Variants in FCHSD2 observed in about 807,000 individuals in gnomAD.
FCHSD2 encodes F-BAR and double SH3 domains protein 2.
FCHSD2 carries 38 observed loss-of-function variants against 108.1 expected under a neutral mutation model. The ratio of observed to expected loss-of-function variants is 0.35; its 90% CI spans 0.27 to 0.46. FCHSD2 has a LOEUF of 0.46. FCHSD2 is among the 20% of genes least tolerant of loss of function. The pLI, the probability that FCHSD2 is intolerant of heterozygous loss-of-function variation, is 1.00. For missense variants in FCHSD2, 751 were observed against 897.8 expected (o/e 0.84, Z 2.09); for synonymous variants, 279 against 314.7 (o/e 0.89, Z 1.20).
rs60223064 is a variant in FCHSD2 at position 73,096,987 on chromosome 11, ATTTTTTTTTTTTTTT to A, written c.120-13262_120-13248del. 2.6e-3 allele frequency among the ~76,000 whole-genome samples: 69 copies of A among 27,048 alleles called. 6 individuals are homozygous for A. The highest frequency in any genetic ancestry group is 3.5e-3 in the East Asian group (2 of 566). The allele number at this position is 27,048 out of a possible 152,430, so 17.7% of individuals were successfully genotyped here. A position where few individuals can be genotyped will look rare whatever the true frequency, so the allele number is the denominator to read the frequency against. On this transcript the variant is annotated intron_variant, in intron 2 of 19. Coordinates refer to ENST00000409418, the MANE Select transcript of FCHSD2 (RefSeq NM_014824.3). ...CTAATGTGATGTATTTCATTGATGG[ATTTTTTTTTTTTTTT>A]TTTTTTTTTTTTTTGATGAGACAGG...
intron 2 of FCHSD2, among the ~76,000 whole-genome samples, chr11:73,116,028 A>T (rs1860593316): frequency 6.6e-6 from 1 of 152,226 alleles, no homozygotes; most frequent in Non-Finnish European, 1.5e-5. Flanking sequence ...AGACTCTTAA[A>T]ACATCACCAC....
intron 3 of FCHSD2, among the ~76,000 whole-genome samples, chr11:73,030,120 A>G (rs1419906842): frequency 1.3e-5 from 2 of 152,148 alleles, no homozygotes; most frequent in African/African-American, 4.8e-5. Flanking sequence ...TTTTGCCTAC[A>G]GTTATAAAAC....
At chr11:72,920,697 T>G (rs992982241) in intron 9 of FCHSD2, among the ~76,000 whole-genome samples, 2 of 152,214 alleles carry the variant, frequency 1.3e-5, no homozygotes, top group Non-Finnish European at 2.9e-5. Context: ...AAAATTCAAA[T>G]ATATATACAT....
chr11:73,065,057 A>G (rs1205550401), intron 3 of FCHSD2, among the ~76,000 whole-genome samples: 1 of 152,158 alleles, frequency 6.6e-6, no homozygotes, highest in Non-Finnish European at 1.5e-5. Flanking sequence ...ACAACAAAAA[A>G]AGAAAATTTA....
chr11:72,927,484 G>T (rs1016926602), intron 8 of FCHSD2, among the ~76,000 whole-genome samples: 2 of 152,176 alleles, frequency 1.3e-5, no homozygotes, highest in Non-Finnish European at 2.9e-5. Flanking sequence ...GTATGTAGGG[G>T]AAGGGAGTGT....
chr11:72,978,031 A>C (rs375617608), intron 8 of FCHSD2, among the ~76,000 whole-genome samples: 25 of 152,302 alleles, frequency 1.6e-4, no homozygotes, highest in African/African-American at 5.1e-4. Context: ...TGAAGCTGGA[A>C]ACCACCATTC....
At position 73,136,165 on chromosome 11, in the gene FCHSD2, G is replaced by GAA. The variant is rs1185429559; in HGVS notation, c.119+3864_119+3865dup. On this transcript the variant is annotated intron_variant, in intron 2 of 19. Transcript: ENST00000409418. ...ACAGAGCAAGACTCTTGTCTCTTAA[G>GAA]AAAAAAAAAAAAAGAAAGAAAAAAG... Among the ~76,000 whole-genome samples the GAA allele has an allele frequency of 6.1e-5, 5 of 81,650 alleles. No homozygotes were observed. The South Asian group carries it at 1.7e-3, about 28-fold the overall frequency. 53.6% of individuals were successfully genotyped at this position (81,650 alleles called of 152,430 possible).
intron 8 of FCHSD2, among the ~76,000 whole-genome samples, chr11:72,937,576 C>T (rs989889778): frequency 6.6e-6 from 1 of 152,156 alleles, no homozygotes; most frequent in East Asian, 1.9e-4. Context: ...ATCTCCTGAC[C>T]TCATGATCTG....
intron 8 of FCHSD2, among the ~76,000 whole-genome samples, chr11:72,959,559 C>CTTT (rs1856784589): frequency 6.6e-6 from 1 of 152,064 alleles, no homozygotes; most frequent in Non-Finnish European, 1.5e-5. Context: ...GTCAGAAAGG[C>CTTT]TCAGTCTACT....
chr11:73,034,995 C>T (rs570527802), intron 3 of FCHSD2, among the ~76,000 whole-genome samples: 6 of 152,104 alleles, frequency 3.9e-5, no homozygotes, highest in Non-Finnish European at 7.3e-5. Context: ...AGAGGTGGGG[C>T]TGAGACACTG....
chr11:72,929,484 T>C (rs1435710498), intron 8 of FCHSD2, among the ~76,000 whole-genome samples: 1 of 152,072 alleles, frequency 6.6e-6, no homozygotes, highest in Admixed American at 6.5e-5. Context: ...GTGCATAGAG[T>C]TAATGCAGGA....
At chr11:72,917,917 G>A (rs367915822) in intron 9 of FCHSD2, among the ~76,000 whole-genome samples, 3 of 151,600 alleles carry the variant, frequency 2.0e-5, no homozygotes, top group African/African-American at 4.8e-5. Context: ...ATTGAGGACC[G>A]GCTTTTCCAT....
intron 9 of FCHSD2, among the ~76,000 whole-genome samples, chr11:72,910,251 GC>G (rs1565317922): frequency 6.6e-6 from 1 of 152,066 alleles, no homozygotes; most frequent in Non-Finnish European, 1.5e-5. Context: ...GAGAGCCTCT[GC>G]CCGGCCACCC....
intron 2 of FCHSD2, among the ~76,000 whole-genome samples, chr11:73,129,150 C>T (rs1860930734): frequency 6.6e-6 from 1 of 152,182 alleles, no homozygotes; most frequent in Admixed American, 6.5e-5. Context: ...GGATTACAGG[C>T]ATGAGCCACC....
intron 3 of FCHSD2, among the ~76,000 whole-genome samples, chr11:73,078,100 G>A (rs1177997779): frequency 3.3e-5 from 5 of 152,050 alleles, no homozygotes; most frequent in Middle Eastern, 3.2e-3. Context: ...TTCTCTGTAC[G>A]TATATGTCAA....
intron 3 of FCHSD2, among the ~76,000 whole-genome samples, chr11:73,064,946 C>G (rs1342783726): frequency 6.6e-6 from 1 of 152,114 alleles, no homozygotes; most frequent in East Asian, 1.9e-4. Flanking sequence ...GAGTTGGTAC[C>G]ATTCCTTCTG....
intron 2 of FCHSD2, among the ~76,000 whole-genome samples, chr11:73,107,955 T>C (rs1268135523): frequency 1.3e-5 from 2 of 152,238 alleles, no homozygotes; most frequent in Non-Finnish European, 1.5e-5. Context: ...ATGGATTGTA[T>C]GGCAAGTGTA....
In FCHSD2 at chr11:73,079,755, G is replaced by A. The variant is rs528013212; in HGVS notation, c.165+3940C>T. Among the ~76,000 whole-genome samples, 21 of 152,184 alleles carry A rather than the reference G, an allele frequency of 1.4e-4. 1 individual carries two copies. In the South Asian group the frequency reaches 4.4e-3, roughly 32 times the overall value. ...AAATTAATTGGGAGAACATTAAAGA[G>A]TAAGAAGAACTCAGAAGGATCATCT... On this transcript the variant is annotated intron_variant, in intron 3 of 19. Coordinates refer to ENST00000409418, the MANE Select transcript of FCHSD2 (RefSeq NM_014824.3).
intron 1 of FCHSD2, 76 bp from the exon 2 acceptor site, chr11:73,140,204 G>C: frequency 1.4e-6 from 1 of 699,828 alleles, no homozygotes; most frequent in Non-Finnish European, 2.4e-6. Flanking sequence ...AAATACATCT[G>C]TCAGAATATG....
Sources: allele counts gnomAD v4.1 joint callset (sites outside exome capture counted in the v4.1 genomes callset), GRCh38; gene constraint gnomAD v4.1.1; transcripts MANE v1.5; gene names NCBI Gene and HGNC (gene_info 2026-07-23, HGNC 2026-07-21).